Variants in TTC38 observed in about 807,000 individuals in gnomAD.
TTC38 encodes the protein tetratricopeptide repeat protein 38.
Under a neutral mutation model 64.2 loss-of-function variants are expected in TTC38, and 64 were observed. That is an observed-to-expected ratio of 1.00 (90% CI 0.81 to 1.23). The LOEUF is 1.23. TTC38 is among the 50% of genes most tolerant of loss of function. The probability of loss-of-function intolerance (pLI) is 0.00; values close to 1 mark genes in which losing one functional copy is unlikely to be tolerated. For missense variants in TTC38, 573 were observed against 615.5 expected (o/e 0.93, Z 0.73); for synonymous variants, 254 against 249.3 (o/e 1.02, Z -0.18).
chr22:46,285,338 G>A, intron 9 of TTC38, 59 bp downstream of exon 9: 1 of 1,532,902 alleles, frequency 6.5e-7, no homozygotes, highest in Non-Finnish European at 9.0e-7. Flanking sequence ...GAGTCTCAAA[G>A]AGACCAGATT....
rs2077491030 is a variant in TTC38 at position 46,276,768 on chromosome 22, T to TATTAAAAATATAG, written c.539+1353_539+1354insAATATAGATTAAA. ...ATAAAATACATATATTAAAAATATA[T>TATTAAAAATATAG]ATTAAATATATATTAAAATATATAT... On this transcript the variant is annotated intron_variant, in intron 5 of 13. Transcript: ENST00000381031. The surrounding 1 kb of genome is among the most constrained non-coding windows in gnomAD (Gnocchi z 4.7). 7.2e-6 allele frequency among the ~76,000 whole-genome samples: 1 copy of TATTAAAAATATAG among 139,044 alleles called. No homozygotes were observed. Among genetic ancestry groups the TATTAAAAATATAG allele is most frequent in the African/African-American group, 2.6e-5 (1 of 38,956 alleles). 91.2% of individuals were successfully genotyped at this position (139,044 alleles called of 152,430 possible). A position where few individuals can be genotyped will look rare whatever the true frequency, so the allele number is the denominator to read the frequency against.
chr22:46,281,937 T>A lies in TTC38; in HGVS notation c.735+219T>A. ...CCATACCTTGCCCTAGGGACTCCAC[T>A]GAGGGTCCAGCCCAGACTTCTCTGT... On this transcript the variant is annotated intron_variant, in intron 7 of 13. Coordinates refer to ENST00000381031, the MANE Select transcript of TTC38 (RefSeq NM_017931.4). The surrounding 1 kb of genome is among the most constrained non-coding windows in gnomAD (Gnocchi z 5.2). 1.5e-6 allele frequency: 1 copy of A among 675,720 alleles called. No individual in the cohort carries two copies. Among genetic ancestry groups the A allele is most frequent in the Non-Finnish European group, 2.7e-6 (1 of 368,622 alleles). 41.9% of individuals were successfully genotyped at this position (675,720 alleles called of 1,614,324 possible).
At position 46,283,995 on chromosome 22, in the gene TTC38, A is replaced by G. The variant is rs1187246072; in HGVS notation, c.758A>G (p.His253Arg). ...CAGGACTCTGATATGTTGGCTTGTC[A>G]TAACTATTGGCACTGGGCTTTATAT... is the stretch of plus-strand genomic sequence containing the variant. ...FWKDSDMLAC[H>R]NYWHWALYLI... Residue 253 changes from histidine (H) to arginine (R), a missense_variant, in exon 8 of 14, where the codon CAT (histidine) becomes CGT (arginine). His to Arg is a conservative substitution (Grantham distance 29, BLOSUM62 0). Coordinates refer to ENST00000381031, the MANE Select transcript of TTC38 (RefSeq NM_017931.4). 3.1e-6 allele frequency: 5 copies of G among 1,595,510 alleles called. No homozygotes were observed. Among genetic ancestry groups the G allele is most frequent in the Non-Finnish European group, 1.7e-6 (2 of 1,173,758 alleles).
At position 46,292,694 on chromosome 22, in the gene TTC38, C is replaced by A; in HGVS notation, c.1317-97C>A. 1 of 1,132,418 alleles carries A rather than the reference C, an allele frequency of 8.8e-7. No individual in the cohort carries two copies. The highest frequency in any genetic ancestry group is 1.3e-6 in the Non-Finnish European group (1 of 756,442). 70.1% of individuals were successfully genotyped at this position (1,132,418 alleles called of 1,614,324 possible). On this transcript the variant is annotated intron_variant, in intron 13 of 13. Coordinates refer to ENST00000381031, the MANE Select transcript of TTC38 (RefSeq NM_017931.4). The surrounding 1 kb of genome is among the most constrained non-coding windows in gnomAD (Gnocchi z 6.5). ...CTTGCTGTTCCCTCAGTGCCGCAGT[C>A]TAGCCTGCCTGTGTTCTGCCTTGGG... is the stretch of plus-strand genomic sequence containing the variant.
rs776315243 is a variant in TTC38, at chr22:46,275,212, G to T, written c.366-36G>T. The T allele has an allele frequency of 6.3e-7, 1 of 1,597,846 alleles. No individual in the cohort carries two copies. The stretch of plus-strand genomic sequence containing the variant: ...CACTCCCTGTGTGGGTGGACTATGT[G>T]TTCAGCGTTGGTGAGAAATCTTTCT... On this transcript the variant is annotated intron_variant, in intron 4 of 13. Transcript: ENST00000381031. The surrounding 1 kb of genome is among the most constrained non-coding windows in gnomAD (Gnocchi z 4.5).
rs1161293909 is a variant in TTC38, at chr22:46,291,118, A to C, written c.1316+1219A>C. On this transcript the variant is annotated intron_variant, in intron 13 of 13. Transcript: ENST00000381031. The surrounding 1 kb of genome is among the most constrained non-coding windows in gnomAD (Gnocchi z 4.6). ...TACTCATGAAACAGGTCTGGCTGGCAGCACTGGAACCGCCTAGAACTGTAA... is the reference window on the plus strand; with the variant it reads ...TACTCATGAAACAGGTCTGGCTGGCCGCACTGGAACCGCCTAGAACTGTAA... Among the ~76,000 whole-genome samples, 4 of 152,224 alleles carry C rather than the reference A, an allele frequency of 2.6e-5. No homozygotes were observed. Among genetic ancestry groups the C allele is most frequent in the Non-Finnish European group, 1.5e-5 (1 of 68,044 alleles).
chr22:46,285,116 C>CT (rs1362276095), intron 8 of TTC38, 125 bp from the exon 9 acceptor site: 2 of 829,914 alleles, frequency 2.4e-6, no homozygotes, highest in Non-Finnish European at 4.1e-6. Flanking sequence ...CCGTCCACCT[C>CT]TGAGAGGAGG....
chr22:46,291,962 TTAAAAAA>T lies in TTC38; in HGVS notation c.1317-823_1317-817del, dbSNP rs143801555. ...CCGAGGGAGATTCTATCTCAAAAAA[TTAAAAAA>T]TAAAAGTGCCACAGTCTGGGCGGCT... On this transcript the variant is annotated intron_variant, in intron 13 of 13. Coordinates refer to ENST00000381031, the MANE Select transcript of TTC38 (RefSeq NM_017931.4). This position sits in a 1 kb window ranked among gnomAD's most constrained non-coding sequence, Gnocchi z 4.6. 0.1 allele frequency among the ~76,000 whole-genome samples: 15,660 copies of T among 151,870 alleles called. 1,862 individuals carry two copies. The highest frequency in any genetic ancestry group is 0.29 in the African/African-American group (12,170 of 41,294).
chr22:46,277,042 T>TACACACACACAC (rs1478498696), intron 5 of TTC38, among the ~76,000 whole-genome samples: 9 of 71,380 alleles, frequency 1.3e-4, no homozygotes, highest in African/African-American at 4.8e-4. Flanking sequence ...TACATATATA[T>TACACACACACAC]ACATACACAC....
chr22:46,277,457 T>A (rs913518732), intron 5 of TTC38, among the ~76,000 whole-genome samples: 4 of 151,998 alleles, frequency 2.6e-5, no homozygotes, highest in Non-Finnish European at 5.9e-5. Flanking sequence ...ATACCAAAAT[T>A]AGCTGGGCGA....
intron 11 of TTC38, among the ~76,000 whole-genome samples, 159 bp from the exon 12 acceptor site, chr22:46,289,243 T>C (rs959749549): frequency 5.9e-5 from 9 of 152,012 alleles, no homozygotes; most frequent in African/African-American, 2.2e-4. Flanking sequence ...TACCCTGTCC[T>C]GTCCCCTCGA....
Position 46,273,031 on chromosome 22 carries a change from C to T in TTC38, c.193+615C>T, listed in dbSNP as rs1275719263. On this transcript the variant is annotated intron_variant, in intron 3 of 13. Coordinates refer to ENST00000381031, the MANE Select transcript of TTC38 (RefSeq NM_017931.4). The surrounding 1 kb of genome is among the most constrained non-coding windows in gnomAD (Gnocchi z 5.1). ...AGGGCTCTTGTCAGTGCGGCAGGGA[C>T]ACCCTTCTCACCCTGCTGCAGCCTA... Among the ~76,000 whole-genome samples, 3 of 152,160 alleles carry T rather than the reference C, an allele frequency of 2.0e-5. No homozygotes were observed. The highest frequency in any genetic ancestry group is 7.2e-5 in the African/African-American group (3 of 41,428).
At position 46,277,591 on chromosome 22, in the gene TTC38, C is replaced by T. The variant is rs184938349; in HGVS notation, c.540-995C>T. On this transcript the variant is annotated intron_variant, in intron 5 of 13. Coordinates refer to ENST00000381031, the MANE Select transcript of TTC38 (RefSeq NM_017931.4). ...CTGCACTCCAGCCTGGGCAACAGAGCGAGACTCTGTCTCCAAAAAAAAAAA... is the reference window on the plus strand; with the variant it reads ...CTGCACTCCAGCCTGGGCAACAGAGTGAGACTCTGTCTCCAAAAAAAAAAA... Among the ~76,000 whole-genome samples the T allele has an allele frequency of 3.3e-4, 39 of 118,426 alleles. No individual in the cohort carries two copies. In the Admixed American group the frequency reaches 4.6e-3, roughly 14 times the overall value. The allele number at this position is 118,426 out of a possible 152,430, so 77.7% of individuals were successfully genotyped here. A position where few individuals can be genotyped will look rare whatever the true frequency, so the allele number is the denominator to read the frequency against.
rs772749259 is a variant in TTC38 at position 46,281,755 on chromosome 22, T to C, written c.735+37T>C. Reference sequence around the variant, plus strand: ...GTCAATGGGTCACCTCCCTGGGAAATTCAGTGCATCCCCTTGAGTCAGGCC... The same window carrying C: ...GTCAATGGGTCACCTCCCTGGGAAACTCAGTGCATCCCCTTGAGTCAGGCC... On this transcript the variant is annotated intron_variant, in intron 7 of 13. Coordinates refer to ENST00000381031, the MANE Select transcript of TTC38 (RefSeq NM_017931.4). This position sits in a 1 kb window ranked among gnomAD's most constrained non-coding sequence, Gnocchi z 5.2. 10 of 1,612,134 alleles carry C rather than the reference T, an allele frequency of 6.2e-6. No individual in the cohort carries two copies. The South Asian group carries it at 1.1e-4, about 18-fold the overall frequency.
rs199565812 is a variant in TTC38 at position 46,281,656 on chromosome 22, G to A, written c.673G>A (p.Glu225Lys). Residue 225 changes from glutamate (E) to lysine (K), a missense_variant, in exon 7 of 14, where the codon GAG becomes AAG. Coordinates refer to ENST00000381031, the MANE Select transcript of TTC38 (RefSeq NM_017931.4). The surrounding 1 kb of genome is among the most constrained non-coding windows in gnomAD (Gnocchi z 5.2). ...GGTGCACACCGTCGCTCACATCCAC[G>A]AGATGAAAGCAGAGATCAAGGATGG... Reference protein sequence around the residue: ...WSVHTVAHIHEMKAEIKDGLE... With the variant: ...WSVHTVAHIHKMKAEIKDGLE... 146 of 1,614,108 alleles carry A rather than the reference G, an allele frequency of 9.0e-5. No homozygotes were observed. The highest frequency in any genetic ancestry group is 1.2e-4 in the African/African-American group (9 of 75,046).
intron 2 of TTC38, chr22:46,268,852 T>C (rs573437351): frequency 6.8e-5 from 26 of 383,610 alleles, no homozygotes; most frequent in South Asian, 6.1e-4. Context: ...CCTCGACTAA[T>C]TTTTTTTGTA....
At position 46,282,887 on chromosome 22, in the gene TTC38, C is replaced by CT. The variant is rs2077544860; in HGVS notation, c.736-1085dup. Among the ~76,000 whole-genome samples, 1 of 152,204 alleles carries CT rather than the reference C, an allele frequency of 6.6e-6. No individual in the cohort carries two copies. Among genetic ancestry groups the CT allele is most frequent in the Non-Finnish European group, 1.5e-5 (1 of 68,038 alleles). On this transcript the variant is annotated intron_variant, in intron 7 of 13. Coordinates refer to ENST00000381031, the MANE Select transcript of TTC38 (RefSeq NM_017931.4). This position sits in a 1 kb window ranked among gnomAD's most constrained non-coding sequence, Gnocchi z 4.4. ...CTGGCTCTCGGGGCTTTGCCAGCAC[C>CT]TGTTGGAGTGTGGCCCTGGGCCTGT...
intron 12 of TTC38, 61 bp from the exon 13 acceptor site, chr22:46,289,765 C>G: frequency 1.9e-6 from 3 of 1,566,568 alleles, no homozygotes; most frequent in East Asian, 2.2e-5. Flanking sequence ...CCGCGGTGGG[C>G]GGGGGCTCGC....
chr22:46,284,158 C>A, intron 8 of TTC38, 126 bp downstream of exon 8: 2 of 772,648 alleles, frequency 2.6e-6, no homozygotes, highest in Non-Finnish European at 4.3e-6. Flanking sequence ...TTAACATTTC[C>A]AAAGAGCACT....
Sources: allele counts gnomAD v4.1 joint callset (sites outside exome capture counted in the v4.1 genomes callset), GRCh38; gene constraint gnomAD v4.1.1; non-coding constraint Gnocchi (gnomAD v3.1); transcripts MANE v1.5; gene names NCBI Gene and HGNC (gene_info 2026-07-23, HGNC 2026-07-21).